PIK3C2G: variants seen among roughly 807,000 people sequenced by gnomAD.
The protein encoded by PIK3C2G is phosphatidylinositol 3-kinase C2 domain-containing subunit gamma.
A neutral mutation model predicts 181.1 loss-of-function variants in PIK3C2G; 168 were observed. The observed-to-expected ratio is 0.93, with a 90% confidence interval of 0.82 to 1.05. The LOEUF is 1.05. PIK3C2G is among the 50% of genes least tolerant of loss of function. The pLI, the probability that PIK3C2G is intolerant of heterozygous loss-of-function variation, is 0.00. For synonymous variants in PIK3C2G, 573 were observed against 592.2 expected, an observed-to-expected ratio of 0.97 and a Z score of 0.47; for missense variants, 1,869 against 1,732.8, an observed-to-expected ratio of 1.08 and a Z score of -1.40.
chr12:18,297,030 A>G (rs1949969345), intron 5 of PIK3C2G, among the ~76,000 whole-genome samples: 1 of 152,046 alleles, frequency 6.6e-6, no homozygotes, highest in Non-Finnish European at 1.5e-5. Flanking sequence ...CTCTTGTCCA[A>G]TAGCTTGATC....
At chr12:18,260,228 A>G (rs1419418283), upstream of PIK3C2G, among the ~76,000 whole-genome samples, 5 of 152,152 alleles carry the variant, frequency 3.3e-5, no homozygotes, top group South Asian at 1.0e-3. Context: ...AAAATGTTTC[A>G]ATTTTTGAAG....
chr12:18,708,216 A>G, the PIK3C2G span, among the ~76,000 whole-genome samples: 1 of 152,044 alleles, frequency 6.6e-6, no homozygotes, highest in Non-Finnish European at 1.5e-5. Flanking sequence ...TTGGTTATCT[A>G]TCTCTGTACA....
chr12:18,392,514 G>A (rs1021264533), intron 15 of PIK3C2G, among the ~76,000 whole-genome samples: 1 of 151,906 alleles, frequency 6.6e-6, no homozygotes, highest in Non-Finnish European at 1.5e-5. Flanking sequence ...TATTCCCTCT[G>A]CCTGAAAAAC....
chr12:18,320,229 C>T (rs2137454609), intron 6 of PIK3C2G: 1 of 152,216 alleles, frequency 6.6e-6, no homozygotes, highest in South Asian at 2.1e-4. Context: ...TGAAATAGTG[C>T]AATTATGTTG....
chr12:18,569,484 ATATTT>A (rs1287985194), intron 29 of PIK3C2G, among the ~76,000 whole-genome samples: 1 of 152,138 alleles, frequency 6.6e-6, no homozygotes, highest in Non-Finnish European at 1.5e-5. Flanking sequence ...TTGTTGTATA[ATATTT>A]TATTATACAA....
intron 5 of PIK3C2G, among the ~76,000 whole-genome samples, chr12:18,304,944 T>C (rs1432837293): frequency 6.6e-6 from 1 of 152,200 alleles, no homozygotes; most frequent in Non-Finnish European, 1.5e-5. Context: ...CACAGAACCA[T>C]GTGGGAGGAT....
At chr12:18,341,106 C>T (rs948919876) in intron 9 of PIK3C2G, among the ~76,000 whole-genome samples, 3 of 152,008 alleles carry the variant, frequency 2.0e-5, no homozygotes, top group African/African-American at 4.8e-5. Flanking sequence ...GACCAAACAA[C>T]GAGGAAAATA....
At chr12:18,497,944 GCTTTTAGGTATTAATTAGGACCTT>G in intron 22 of PIK3C2G, among the ~76,000 whole-genome samples, 196 bp downstream of exon 22, 1 of 152,058 alleles carries the variant, frequency 6.6e-6, no homozygotes, top group Non-Finnish European at 1.5e-5. Flanking sequence ...AGCATAATAT[GCTTTTAGGTATTAATTAGGACCTT>G]CACATTACAA....
the PIK3C2G span, among the ~76,000 whole-genome samples, chr12:18,664,155 C>T: frequency 1.6e-4 from 25 of 152,144 alleles, no homozygotes; most frequent in African/African-American, 5.1e-4. Flanking sequence ...AGAATTGGAA[C>T]GCTTATGTAC....
the PIK3C2G span, chr12:18,723,479 T>C: frequency 6.2e-7 from 1 of 1,613,052 alleles, no homozygotes; most frequent in African/African-American, 1.3e-5. Context: ...CTGTGCGTGA[T>C]AATTCGATAA....
the PIK3C2G span, among the ~76,000 whole-genome samples, chr12:18,671,900 A>G: frequency 6.6e-6 from 1 of 152,242 alleles, no homozygotes; most frequent in South Asian, 2.1e-4. Context: ...CTCATCTCCC[A>G]TATATAGCAC....
rs1187068599 is a variant in PIK3C2G, at chr12:18,509,292, C to G, written c.3323+3831C>G. Among the ~76,000 whole-genome samples, 11 of 152,168 alleles carry G rather than the reference C, an allele frequency of 7.2e-5. No homozygotes were observed. In the East Asian group the frequency reaches 2.1e-3, roughly 29 times the overall value. ...CGAACTCCCGACCTCAGGCAATTCG[C>G]CCGCCTCGGCCTCTCAAAGTGCTGA... On this transcript the variant is annotated intron_variant, in intron 24 of 32. Transcript: ENST00000538779.
At chr12:18,339,192 G>A (rs1405684612) in intron 9 of PIK3C2G, among the ~76,000 whole-genome samples, 2 of 151,948 alleles carry the variant, frequency 1.3e-5, no homozygotes, top group South Asian at 2.1e-4. Flanking sequence ...AAAATATTAC[G>A]ACATCTGGTT....
chr12:18,381,137 T>C (rs966670700), intron 13 of PIK3C2G, among the ~76,000 whole-genome samples: 5 of 152,192 alleles, frequency 3.3e-5, no homozygotes, highest in African/African-American at 1.2e-4. Context: ...TCTTCCCTGT[T>C]TAAAGCCTTT....
At chr12:18,536,373 A>G (rs1057178443) in intron 24 of PIK3C2G, among the ~76,000 whole-genome samples, 1 of 152,122 alleles carries the variant, frequency 6.6e-6, no homozygotes, top group African/African-American at 2.4e-5. Context: ...GACCCATTTG[A>G]TTCTCTCAAC....
chr12:18,545,198 G>A (rs1222813719), intron 25 of PIK3C2G, among the ~76,000 whole-genome samples: 1 of 151,718 alleles, frequency 6.6e-6, no homozygotes, highest in Non-Finnish European at 1.5e-5. Context: ...AGCCAGCCTG[G>A]GTTTCTTTCT....
chr12:18,596,991 G>C (rs553400190), intron 30 of PIK3C2G, among the ~76,000 whole-genome samples: 9 of 152,174 alleles, frequency 5.9e-5, no homozygotes, highest in African/African-American at 2.2e-4. Flanking sequence ...TATGTTGTAT[G>C]ACCTCATGTT....
chr12:18,629,801 T>C (rs1330116358), intron 31 of PIK3C2G, among the ~76,000 whole-genome samples: 1 of 152,162 alleles, frequency 6.6e-6, no homozygotes, highest in Non-Finnish European at 1.5e-5. Flanking sequence ...GGTAAACACC[T>C]AGGATAAACC....
chr12:18,402,228 G>A (rs761658263), intron 16 of PIK3C2G, among the ~76,000 whole-genome samples: 4 of 152,112 alleles, frequency 2.6e-5, no homozygotes, highest in Non-Finnish European at 4.4e-5. Context: ...GCTACAACAT[G>A]GAAGGACCTT....
Sources: allele counts gnomAD v4.1 joint callset (sites outside exome capture counted in the v4.1 genomes callset), GRCh38; gene constraint gnomAD v4.1.1; transcripts MANE v1.5; gene names NCBI Gene and HGNC (gene_info 2026-07-23, HGNC 2026-07-21).